CFAP299: variants seen among roughly 807,000 people sequenced by gnomAD.
CFAP299 encodes the protein cilia- and flagella-associated protein 299.
CFAP299 carries 21 observed loss-of-function variants against 27.0 expected under a neutral mutation model. The ratio of observed to expected loss-of-function variants is 0.78; its 90% CI spans 0.55 to 1.12. The LOEUF (loss-of-function observed/expected upper bound fraction) is 1.12, where lower values mean the gene tolerates loss of function less well. CFAP299 is among the 50% of genes most tolerant of loss of function. The pLI, the probability that CFAP299 is intolerant of heterozygous loss-of-function variation, is 0.00. For synonymous variants in CFAP299, 104 were observed against 98.1 expected (o/e 1.06, Z -0.36); for missense variants, 310 against 276.6 (o/e 1.12, Z -0.86).
intron 3 of CFAP299, among the ~76,000 whole-genome samples, chr4:80,744,683 G>A (rs1724484155): frequency 6.6e-6 from 1 of 151,888 alleles, no homozygotes; most frequent in Admixed American, 6.6e-5. Context: ...ATAGTTGATA[G>A]GAAGTACATT....
intron 3 of CFAP299, among the ~76,000 whole-genome samples, chr4:80,634,691 A>ATAAT (rs1317855556): frequency 3.3e-5 from 5 of 152,306 alleles, no homozygotes; most frequent in South Asian, 4.1e-4. Flanking sequence ...ATGGGCTATT[A>ATAAT]TAATTGGATG....
chr4:80,691,815 C>A (rs1280130466), intron 3 of CFAP299, among the ~76,000 whole-genome samples: 1 of 152,210 alleles, frequency 6.6e-6, no homozygotes, highest in African/African-American at 2.4e-5. Flanking sequence ...AGCCCAAAAT[C>A]TCTTTAAGCT....
At chr4:80,519,659 G>A (rs929028932) in intron 2 of CFAP299, among the ~76,000 whole-genome samples, 28 of 152,096 alleles carry the variant, frequency 1.8e-4, no homozygotes, top group Admixed American at 1.4e-3. Flanking sequence ...TTATAAAATC[G>A]TAGATCCATG....
chr4:80,943,694 A>G (rs1345161231), intron 4 of CFAP299, among the ~76,000 whole-genome samples: 1 of 152,196 alleles, frequency 6.6e-6, no homozygotes, highest in Non-Finnish European at 1.5e-5. Context: ...CTTTCAATTC[A>G]TATGACAGTA....
intron 3 of CFAP299, among the ~76,000 whole-genome samples, chr4:80,851,804 A>G (rs1449532632): frequency 6.6e-6 from 1 of 152,166 alleles, no homozygotes; most frequent in Admixed American, 6.6e-5. Context: ...TTGGAATGAC[A>G]TCACGGATCT....
chr4:80,936,816 T>C (rs1187430256), intron 4 of CFAP299, among the ~76,000 whole-genome samples: 1 of 152,076 alleles, frequency 6.6e-6, no homozygotes, highest in African/African-American at 2.4e-5. Flanking sequence ...AAATAAAACA[T>C]GATAAGATGA....
chr4:80,352,664 G>T (rs929448371), intron 1 of CFAP299, among the ~76,000 whole-genome samples: 1 of 151,922 alleles, frequency 6.6e-6, no homozygotes, highest in Admixed American at 6.6e-5. Flanking sequence ...CCATATGCAG[G>T]GTCATAAAAC....
intron 3 of CFAP299, among the ~76,000 whole-genome samples, chr4:80,658,497 T>C (rs899825045): frequency 6.6e-6 from 1 of 152,192 alleles, no homozygotes; most frequent in Non-Finnish European, 1.5e-5. Flanking sequence ...AATCATCTGG[T>C]TTTTGTCATT....
At chr4:80,372,555 G>A (rs541213579) in intron 2 of CFAP299, among the ~76,000 whole-genome samples, 61 of 152,284 alleles carry the variant, frequency 4.0e-4, no homozygotes, top group Non-Finnish European at 6.6e-4. Flanking sequence ...TATTATAGCA[G>A]TCCTAGAGAA....
At chr4:80,910,848 A>C (rs1043628903) in intron 4 of CFAP299, among the ~76,000 whole-genome samples, 3 of 152,090 alleles carry the variant, frequency 2.0e-5, no homozygotes, top group African/African-American at 7.2e-5. Flanking sequence ...CTATTCTAAA[A>C]ACAGAATAGT....
intron 3 of CFAP299, among the ~76,000 whole-genome samples, chr4:80,820,144 G>T (rs190134999): frequency 2.0e-5 from 3 of 152,014 alleles, no homozygotes; most frequent in Non-Finnish European, 4.4e-5. Context: ...AATATAGACA[G>T]GTATGTAAGT....
At chr4:80,910,288 T>G (rs1036103507) in intron 4 of CFAP299, among the ~76,000 whole-genome samples, 12 of 152,082 alleles carry the variant, frequency 7.9e-5, no homozygotes, top group African/African-American at 2.9e-4. Context: ...CTCAAAATGC[T>G]AAAAACAGAA....
rs1560544051 is a variant in CFAP299, at chr4:80,390,928, T to TATATGTATATACACAC, written c.242+28055_242+28056insCACACATATGTATATA. Among the ~76,000 whole-genome samples the TATATGTATATACACAC allele has an allele frequency of 1.7e-3, 53 of 30,802 alleles. 3 individuals are homozygous for TATATGTATATACACAC. Among genetic ancestry groups the TATATGTATATACACAC allele is most frequent in the Non-Finnish European group, 2.1e-3 (15 of 7,014 alleles). The allele number at this position is 30,802 out of a possible 152,430, so 20.2% of individuals were successfully genotyped here. ...ATATATGTATATACACACATATGTA[T>TATATGTATATACACAC]ATATGTATATATGTATGTACACACA... On this transcript the variant is annotated intron_variant, in intron 2 of 5. Transcript: ENST00000358105.
chr4:80,795,836 C>G (rs1371827510), intron 3 of CFAP299, among the ~76,000 whole-genome samples: 1 of 152,150 alleles, frequency 6.6e-6, no homozygotes, highest in Non-Finnish European at 1.5e-5. Flanking sequence ...CAAGATCTGT[C>G]TCTCAAATAA....
intron 3 of CFAP299, among the ~76,000 whole-genome samples, chr4:80,864,492 A>T (rs1285823806): frequency 6.8e-6 from 1 of 147,224 alleles, no homozygotes. Flanking sequence ...ATATATACAC[A>T]TATATATACA....
intron 3 of CFAP299, among the ~76,000 whole-genome samples, chr4:80,809,114 A>G (rs941450288): frequency 6.6e-6 from 1 of 152,164 alleles, no homozygotes; most frequent in Non-Finnish European, 1.5e-5. Context: ...AAAAAAGCCA[A>G]CAAACTATTT....
At chr4:80,793,777 C>T (rs755349797) in intron 3 of CFAP299, among the ~76,000 whole-genome samples, 16 of 152,138 alleles carry the variant, frequency 1.1e-4, no homozygotes, top group Non-Finnish European at 1.9e-4. Flanking sequence ...CAAGTGTATA[C>T]ATGCACAAAC....
At chr4:80,378,528 T>C (rs924778038) in intron 2 of CFAP299, among the ~76,000 whole-genome samples, 1 of 152,058 alleles carries the variant, frequency 6.6e-6, no homozygotes, top group Non-Finnish European at 1.5e-5. Flanking sequence ...TTATTAAATA[T>C]GTTAGCTCTA....
chr4:80,890,400 C>T (rs908048022), intron 4 of CFAP299, among the ~76,000 whole-genome samples: 2 of 151,930 alleles, frequency 1.3e-5, no homozygotes, highest in African/African-American at 4.8e-5. Context: ...AAAGAAAATA[C>T]CTAGGAATTA....
Sources: gnomAD v4.1 joint callset for allele counts (sites outside exome capture counted in the v4.1 genomes callset) on GRCh38, gnomAD v4.1.1 for gene constraint, MANE v1.5 for transcripts, NCBI Gene and HGNC (gene_info 2026-07-23, HGNC 2026-07-21) for gene names.